The following ZNF17 variants were observed in gnomAD, a reference collection of about 807,000 sequenced individuals.
ZNF17 encodes zinc finger protein 17, also known as zinc finger protein 17 (HPF3, KOX 10).
In ZNF17, 4 loss-of-function variants were observed where a neutral mutation model predicts 7.7. The observed-to-expected ratio is 0.52, with a 90% confidence interval of 0.26 to 1.20. ZNF17 has a LOEUF of 1.20. Among genes scored for constraint, ZNF17 ranks in the 50% most tolerant of loss-of-function variants. ZNF17 has a pLI of 0.14. For synonymous variants in ZNF17, 249 were observed against 258.8 expected (o/e 0.96, Z 0.36); for missense variants, 738 against 799.5 (o/e 0.92, Z 0.93).
At chr19:57,416,807 C>T (rs1467923768) in intron 2 of ZNF17, among the ~76,000 whole-genome samples, 3 of 152,228 alleles carry the variant, frequency 2.0e-5, no homozygotes, top group African/African-American at 4.8e-5. Flanking sequence ...CATGCCCGGC[C>T]ATGTGCCAGG....
At position 57,419,700 on chromosome 19, in the gene ZNF17, C is replaced by T. The variant is rs780806859; in HGVS notation, c.214C>T (p.Gln72Ter). 6.2e-7 allele frequency: 1 copy of T among 1,614,174 alleles called. No individual in the cohort carries two copies. Among genetic ancestry groups the T allele is most frequent in the South Asian group, 1.1e-5 (1 of 91,086 alleles). The change falls in exon 4 of 4, where the codon CAG becomes TAG. Residue 72 changes from glutamine to a stop codon, truncating the protein, a stop_gained. Coordinates refer to ENST00000307658, the MANE Select transcript of ZNF17 (RefSeq NM_001330617.2). LOFTEE classifies it low-confidence loss of function (END_TRUNC). ...SKQCVSVGVS[Q>*]VTTLKPALST... ...GCAATGTGTTTCTGTAGGAGTGTCA[C>T]AGGTCACAACTTTAAAGCCAGCTTT... is the stretch of plus-strand genomic sequence containing the variant.
intron 1 of ZNF17, among the ~76,000 whole-genome samples, chr19:57,413,078 A>G (rs1198517919): frequency 2.0e-5 from 3 of 151,480 alleles, no homozygotes; most frequent in South Asian, 2.1e-4. Flanking sequence ...GGGTTTCACC[A>G]TGGTTGGCCA....
At chr19:57,411,644 A>G in intron 1 of ZNF17, 1 of 1,357,226 alleles carries the variant, frequency 7.4e-7, no homozygotes, top group Non-Finnish European at 9.5e-7. Flanking sequence ...GTCTCCACGG[A>G]GCTGAGGGTG....
Position 57,411,222 on chromosome 19 carries a change from C to A in ZNF17, c.-205C>A. 2.2e-6 allele frequency: 2 copies of A among 925,538 alleles called. No individual in the cohort carries two copies. Among genetic ancestry groups the A allele is most frequent in the African/African-American group, 1.7e-5 (1 of 60,134 alleles). The allele number at this position is 925,538 out of a possible 1,614,324, so 57.3% of individuals were successfully genotyped here. A position where few individuals can be genotyped will look rare whatever the true frequency, so the allele number is the denominator to read the frequency against. ...GGATCTGTTCACCTTCAGGCTGAGT[C>A]GAGACTGAGGTGAAAAAGCGGAAAA... On this transcript the variant is annotated 5_prime_UTR_variant, in exon 1 of 4. The change creates a premature stop within an existing upstream ORF in the 5' untranslated region. Transcript: ENST00000307658.
intron 3 of ZNF17, among the ~76,000 whole-genome samples, chr19:57,418,415 C>T (rs2088825363): frequency 1.3e-5 from 2 of 152,092 alleles, no homozygotes; most frequent in South Asian, 2.1e-4. Context: ...GGACCTACCT[C>T]GTCACTGCTT....
chr19:57,420,101 T>C lies in ZNF17; in HGVS notation c.615T>C (p.His205=). 1 of 1,614,190 alleles carries C rather than the reference T, an allele frequency of 6.2e-7. No individual in the cohort carries two copies. Among genetic ancestry groups the C allele is most frequent in the Non-Finnish European group, 8.5e-7 (1 of 1,180,032 alleles). The stretch of plus-strand genomic sequence containing the variant: ...GTGGGAAAGACTTTTGCCACCAACA[T>C]ACACTGTTTGAGCACCAGAAAATCC... ...TQCGKDFCHQ[H]TLFEHQKIHT... Residue 205 remains histidine (H), a synonymous_variant, in exon 4 of 4, where the codon CAT becomes CAC. Coordinates refer to ENST00000307658, the MANE Select transcript of ZNF17 (RefSeq NM_001330617.2).
chr19:57,421,029 C>G lies in ZNF17; in HGVS notation c.1543C>G (p.Leu515Val), dbSNP rs2088847653. 6.2e-6 allele frequency: 10 copies of G among 1,614,018 alleles called. No homozygotes were observed. The highest frequency in any genetic ancestry group is 8.5e-6 in the Non-Finnish European group (10 of 1,180,028). ...CGKSFRCRST[L>V]DTHQRIHTGE... ...GAAATCCTTTAGATGTCGCTCCACA[C>G]TTGATACACATCAGAGAATTCACAC... Residue 515 changes from leucine (L) to valine (V), a missense_variant, in exon 4 of 4, where the codon CTT becomes GTT. By Grantham distance (32) the Leu-to-Val change is conservative (BLOSUM62 1). Around this residue, in one of 3 missense-constraint regions of ZNF17, gnomAD observed 616 missense variants for 663.9 expected, o/e 0.93. Coordinates refer to ENST00000307658, the MANE Select transcript of ZNF17 (RefSeq NM_001330617.2).
At chr19:57,417,010 A>T (rs1349104431) in intron 2 of ZNF17, among the ~76,000 whole-genome samples, 1 of 152,148 alleles carries the variant, frequency 6.6e-6, no homozygotes, top group Non-Finnish European at 1.5e-5. Flanking sequence ...AAGGTCCTGG[A>T]GAGGGAAGTG....
At chr19:57,416,219 T>C (rs185776094) in intron 2 of ZNF17, among the ~76,000 whole-genome samples, 14 of 152,304 alleles carry the variant, frequency 9.2e-5, no homozygotes, top group Non-Finnish European at 2.1e-4. Flanking sequence ...GCATTTGTCA[T>C]GCACTGCAGG....
chr19:57,415,042 G>A (rs150041473), intron 2 of ZNF17, among the ~76,000 whole-genome samples: 29 of 152,320 alleles, frequency 1.9e-4, no homozygotes, highest in African/African-American at 7.0e-4. Context: ...GGCTTCCTCT[G>A]CCTGCAGAAT....
At position 57,420,352 on chromosome 19, in the gene ZNF17, C is replaced by G; in HGVS notation, c.866C>G (p.Ser289Cys). The change falls in exon 4 of 4, where the codon TCT becomes TGT. Residue 289 changes from serine (S) to cysteine (C), a missense_variant. By Grantham distance (112) the Ser-to-Cys change is moderately radical (BLOSUM62 -1). This residue lies in a region of ZNF17 where 616 missense variants were observed against 663.9 expected (regional missense o/e 0.93). Transcript: ENST00000307658. Reference protein sequence around the residue: ...SECGKAFLRKSHLLQHQRIHT... With the variant: ...SECGKAFLRKCHLLQHQRIHT... ...TGTGGGAAAGCTTTTCTTAGAAAGTCTCACCTACTTCAGCACCAGAGGATT... is the reference window on the plus strand; with the variant it reads ...TGTGGGAAAGCTTTTCTTAGAAAGTGTCACCTACTTCAGCACCAGAGGATT... 1.2e-6 allele frequency: 2 copies of G among 1,613,932 alleles called. No individual in the cohort carries two copies. The highest frequency in any genetic ancestry group is 2.2e-5 in the South Asian group (2 of 91,072).
intron 3 of ZNF17, among the ~76,000 whole-genome samples, chr19:57,418,711 G>A (rs2088827146): frequency 6.6e-6 from 1 of 151,966 alleles, no homozygotes; most frequent in Non-Finnish European, 1.5e-5. Flanking sequence ...GTGATGACAG[G>A]GCTGGGTTCA....
At chr19:57,412,629 AG>A (rs1463873360) in intron 1 of ZNF17, among the ~76,000 whole-genome samples, 2 of 151,856 alleles carry the variant, frequency 1.3e-5, no homozygotes, top group East Asian at 3.9e-4. Flanking sequence ...CATTTTTAGT[AG>A]AGACGGGGTT....
At chr19:57,417,862 A>AAT in intron 2 of ZNF17, 50 bp from the exon 3 acceptor site, 3 of 1,575,754 alleles carry the variant, frequency 1.9e-6, no homozygotes, top group Non-Finnish European at 2.6e-6. Context: ...AAAAAAAAAA[A>AAT]GAAAGAAAAA....
At position 57,418,022 on chromosome 19, in the gene ZNF17, A is replaced by C. The variant is rs2088823103; in HGVS notation, c.132A>C (p.Ala44=). ...GCGATGTGATGCTGGAGAACTTTGC[A>C]CTTTTGTCCTCAGTAGGTAAGGCCC... ...LHSDVMLENF[A]LLSSVGCWHG... is the part of the protein sequence containing the mutation. Residue 44 remains alanine, a synonymous_variant, in exon 3 of 4, where the codon GCA becomes GCC. Transcript: ENST00000307658. 1.2e-5 allele frequency: 19 copies of C among 1,613,776 alleles called. No homozygotes were observed. The highest frequency in any genetic ancestry group is 1.6e-5 in the Non-Finnish European group (19 of 1,179,876).
At chr19:57,413,129 G>A (rs1016271277) in intron 1 of ZNF17, among the ~76,000 whole-genome samples, 3 of 148,906 alleles carry the variant, frequency 2.0e-5, no homozygotes, top group Non-Finnish European at 3.0e-5. Context: ...CGCCCACCTC[G>A]GCCTCCCAAA....
At position 57,415,877 on chromosome 19, in the gene ZNF17, T is replaced by A. The variant is rs143576934; in HGVS notation, c.22-2035T>A. Among the ~76,000 whole-genome samples the A allele has an allele frequency of 6.5e-4, 99 of 152,206 alleles. No homozygotes were observed. The Middle Eastern group carries it at 0.01, about 16-fold the overall frequency. On this transcript the variant is annotated intron_variant, in intron 2 of 3. Coordinates refer to ENST00000307658, the MANE Select transcript of ZNF17 (RefSeq NM_001330617.2). ...GCAAATATTGGTTGTACCTGGGTAG[T>A]TTCACGCGAACTCTGAGACTATTTT...
intron 1 of ZNF17, 105 bp downstream of exon 1, chr19:57,411,511 G>A (rs1313234307): frequency 1.3e-6 from 2 of 1,506,892 alleles, no homozygotes; most frequent in Admixed American, 2.2e-5. Flanking sequence ...AGAGAGGAGC[G>A]TTCTTGTGTG....
rs747716737 is a variant in ZNF17 at position 57,419,754 on chromosome 19, A to T, written c.268A>T (p.Thr90Ser). ...LSTQKAQPCETCSSLLKDILH... is the reference protein window; with the variant it reads ...LSTQKAQPCESCSSLLKDILH... ...CACCCAGAAGGCCCAGCCCTGTGAG[A>T]CATGTAGCTCACTTCTGAAGGACAT... The change falls in exon 4 of 4, where the codon ACA (threonine) becomes TCA (serine). Residue 90 changes from threonine to serine, a missense_variant. Thr to Ser is a moderately conservative substitution (Grantham distance 58). Transcript: ENST00000307658. The T allele has an allele frequency of 2.5e-6, 4 of 1,614,054 alleles. No homozygotes were observed. The highest frequency in any genetic ancestry group is 1.7e-6 in the Non-Finnish European group (2 of 1,180,040).
Sources: allele counts gnomAD v4.1 joint callset (sites outside exome capture counted in the v4.1 genomes callset), GRCh38; gene constraint gnomAD v4.1.1; regional missense constraint gnomAD v4.1.1; transcripts MANE v1.5; gene names NCBI Gene and HGNC (gene_info 2026-07-23, HGNC 2026-07-21).